The following GRID2 variants were observed in gnomAD, a reference collection of about 807,000 sequenced individuals.
The protein encoded by GRID2 is glutamate ionotropic receptor delta type subunit 2.
Under a neutral mutation model 114.8 loss-of-function variants are expected in GRID2, and 33 were observed. The observed-to-expected ratio is 0.29, with a 90% confidence interval of 0.22 to 0.38. The LOEUF (loss-of-function observed/expected upper bound fraction) is 0.38. Among genes scored for constraint, GRID2 ranks in the 10% least tolerant of loss-of-function variants. GRID2 has a pLI of 1.00. For synonymous variants in GRID2, 505 were observed against 449.9 expected (o/e 1.12, Z -1.55); for missense variants, 1,184 against 1,257.7 (o/e 0.94, Z 0.89).
intron 1 of GRID2, among the ~76,000 whole-genome samples, chr4:92,403,457 G>A (rs1730882076): frequency 1.3e-5 from 2 of 151,898 alleles, no homozygotes; most frequent in African/African-American, 4.8e-5. Context: ...CAGCACTTTG[G>A]GAGGCTGAAG....
chr4:93,300,522 A>C (rs756490944), intron 8 of GRID2, among the ~76,000 whole-genome samples: 1 of 152,184 alleles, frequency 6.6e-6, no homozygotes, highest in Non-Finnish European at 1.5e-5. Flanking sequence ...ACTTTTACCC[A>C]TGTCAGCTTT....
chr4:92,402,938 C>G (rs1170281097), intron 1 of GRID2, among the ~76,000 whole-genome samples: 2 of 152,192 alleles, frequency 1.3e-5, no homozygotes, highest in African/African-American at 4.8e-5. Context: ...TTAGTGTAGC[C>G]TCCTTCTTTA....
intron 2 of GRID2, among the ~76,000 whole-genome samples, chr4:92,965,075 C>T (rs982766949): frequency 4.6e-5 from 7 of 151,968 alleles, no homozygotes; most frequent in African/African-American, 7.2e-5. Context: ...AGAGGTGGGA[C>T]GCTTCCTTTC....
At chr4:93,648,913 T>G (rs1422200989) in intron 14 of GRID2, among the ~76,000 whole-genome samples, 1 of 152,190 alleles carries the variant, frequency 6.6e-6, no homozygotes, top group Non-Finnish European at 1.5e-5. Context: ...TTATTTTATT[T>G]AATTCTTGCA....
At chr4:93,126,666 C>T (rs112081014) in intron 4 of GRID2, among the ~76,000 whole-genome samples, 89 of 123,590 alleles carry the variant, frequency 7.2e-4, no homozygotes, top group African/African-American at 2.6e-3. Context: ...GGCGCGATCT[C>T]GGCTCACTGC....
intron 1 of GRID2, among the ~76,000 whole-genome samples, chr4:92,413,869 T>C (rs1731454573): frequency 6.6e-6 from 1 of 152,078 alleles, no homozygotes; most frequent in African/African-American, 2.4e-5. Flanking sequence ...CCTACAAATT[T>C]TGAAGAGGAA....
chr4:92,949,838 C>G (rs1386350253), intron 2 of GRID2, among the ~76,000 whole-genome samples: 2 of 151,864 alleles, frequency 1.3e-5, no homozygotes, highest in African/African-American at 2.4e-5. Context: ...GAGGGACTAT[C>G]TCTTAAAGAT....
intron 2 of GRID2, among the ~76,000 whole-genome samples, chr4:93,041,128 G>C (rs1383119699): frequency 6.6e-6 from 1 of 152,096 alleles, no homozygotes; most frequent in Non-Finnish European, 1.5e-5. Flanking sequence ...TTAGTGAAGG[G>C]AATTAAGAGT....
chr4:92,513,413 G>T (rs1452668936), intron 1 of GRID2, among the ~76,000 whole-genome samples: 1 of 151,700 alleles, frequency 6.6e-6, no homozygotes, highest in Non-Finnish European at 1.5e-5. Context: ...TTGAGTTCCT[G>T]GAGTATTGCA....
rs186091158 is a variant in GRID2, at chr4:92,884,988, G to A, written c.245-200007G>A. The A allele has an allele frequency of 2.3e-3, 688 of 296,046 alleles. 7 individuals carry two copies. Among genetic ancestry groups the A allele is most frequent in the African/African-American group, 0.014 (644 of 44,576 alleles). The allele number at this position is 296,046 out of a possible 1,614,324, so 18.3% of individuals were successfully genotyped here. A position where few individuals can be genotyped will look rare whatever the true frequency, so the allele number is the denominator to read the frequency against. ...AAAGTGTTTTAAATAAAGGTGTATA[G>A]GATTAATTACTGCTGCACAGTGTTA... On this transcript the variant is annotated intron_variant, in intron 2 of 15. Coordinates refer to ENST00000282020, the MANE Select transcript of GRID2 (RefSeq NM_001510.4).
intron 2 of GRID2, among the ~76,000 whole-genome samples, chr4:92,764,855 G>A (rs1222845882): frequency 6.6e-6 from 1 of 152,106 alleles, no homozygotes; most frequent in African/African-American, 2.4e-5. Flanking sequence ...AAGACATGGG[G>A]TTGAATGTAA....
rs555918932 is a variant in GRID2, at chr4:92,469,292, A to G, written c.89-120839A>G. Among the ~76,000 whole-genome samples the G allele has an allele frequency of 8.7e-4, 132 of 152,216 alleles. 1 individual carries two copies. Among genetic ancestry groups the G allele is most frequent in the African/African-American group, 3.0e-3 (124 of 41,556 alleles). Reference sequence around the variant, plus strand: ...CCACTTCCTGTATTGCAACAATCCAATGAGAATGAAGAAGGTTAGAATATA... The same window carrying G: ...CCACTTCCTGTATTGCAACAATCCAGTGAGAATGAAGAAGGTTAGAATATA... On this transcript the variant is annotated intron_variant, in intron 1 of 15. Coordinates refer to ENST00000282020, the MANE Select transcript of GRID2 (RefSeq NM_001510.4).
At chr4:93,010,343 A>T (rs929277176) in intron 2 of GRID2, among the ~76,000 whole-genome samples, 1 of 151,968 alleles carries the variant, frequency 6.6e-6, no homozygotes, top group African/African-American at 2.4e-5. Flanking sequence ...GCATATGTGT[A>T]TGTGTACACA....
chr4:92,409,437 A>G (rs1476977950), intron 1 of GRID2, among the ~76,000 whole-genome samples: 2 of 152,130 alleles, frequency 1.3e-5, no homozygotes, highest in Non-Finnish European at 1.5e-5. Flanking sequence ...TGGATAGAGT[A>G]TTTCATTTTT....
chr4:92,488,694 T>C (rs1723007739), intron 1 of GRID2, among the ~76,000 whole-genome samples: 1 of 152,034 alleles, frequency 6.6e-6, no homozygotes, highest in Non-Finnish European at 1.5e-5. Flanking sequence ...TGAGGAAGGG[T>C]AAAAGAACGT....
chr4:93,409,878 T>G (rs763067684), intron 9 of GRID2, among the ~76,000 whole-genome samples: 74 of 152,310 alleles, frequency 4.9e-4, no homozygotes, highest in South Asian at 6.2e-4. Context: ...AGTAAATATT[T>G]CAGAGATGTG....
At chr4:92,548,537 G>A (rs981563668) in intron 1 of GRID2, among the ~76,000 whole-genome samples, 2 of 150,596 alleles carry the variant, frequency 1.3e-5, no homozygotes, top group Non-Finnish European at 2.9e-5. Flanking sequence ...AAATAACTGG[G>A]ATTACAGGCA....
Position 93,597,530 on chromosome 4 carries a change from G to T in GRID2, c.2194-28739G>T, listed in dbSNP as rs184478549. On this transcript the variant is annotated intron_variant, in intron 13 of 15. Coordinates refer to ENST00000282020, the MANE Select transcript of GRID2 (RefSeq NM_001510.4). ...ACTTACCAATAGAATGAATTTTAAT[G>T]CTCTCCTGCTCATTTGTGATTTCTC... Among the ~76,000 whole-genome samples, 471 of 152,238 alleles carry T rather than the reference G, an allele frequency of 3.1e-3. 4 individuals are homozygous for T. Among genetic ancestry groups the T allele is most frequent in the African/African-American group, 0.01 (426 of 41,534 alleles).
At chr4:93,393,127 C>G (rs1420008943) in intron 8 of GRID2, among the ~76,000 whole-genome samples, 2 of 151,936 alleles carry the variant, frequency 1.3e-5, no homozygotes, top group Non-Finnish European at 2.9e-5. Flanking sequence ...TTCTAGTTTT[C>G]CAGATAATCT....
Sources: gnomAD v4.1 joint callset for allele counts (sites outside exome capture counted in the v4.1 genomes callset) on GRCh38, gnomAD v4.1.1 for gene constraint, MANE v1.5 for transcripts, NCBI Gene and HGNC (gene_info 2026-07-23, HGNC 2026-07-21) for gene names.